GRAP2: variants seen among roughly 807,000 people sequenced by gnomAD.
GRAP2 encodes the protein GRB2 related adaptor protein 2.
Under a neutral mutation model 43.5 loss-of-function variants are expected in GRAP2, and 31 were observed. That is an observed-to-expected ratio of 0.71 (90% CI 0.54 to 0.96). GRAP2 has a LOEUF of 0.96. Ranked by LOEUF, GRAP2 falls within the 40% of genes least tolerant of loss-of-function variation. The pLI, the probability that GRAP2 is intolerant of heterozygous loss-of-function variation, is 0.00. For synonymous variants in GRAP2, 156 were observed against 164.8 expected (o/e 0.95, Z 0.41); for missense variants, 371 against 424.4 (o/e 0.87, Z 1.11).
chr22:39,902,649 A>T (rs527987305), intron 1 of GRAP2, among the ~76,000 whole-genome samples: 1 of 152,338 alleles, frequency 6.6e-6, no homozygotes, highest in South Asian at 2.1e-4. Flanking sequence ...TATCTTTTTA[A>T]AAATGACTTT....
chr22:39,917,440 T>G (rs2066612315), intron 1 of GRAP2, among the ~76,000 whole-genome samples: 1 of 152,194 alleles, frequency 6.6e-6, no homozygotes, highest in African/African-American at 2.4e-5. Flanking sequence ...AATTGGGAGC[T>G]TTCACTGAGT....
intron 1 of GRAP2, among the ~76,000 whole-genome samples, chr22:39,924,667 A>G (rs1204634985): frequency 1.3e-5 from 2 of 151,928 alleles, no homozygotes; most frequent in African/African-American, 4.8e-5. Context: ...ATACCACTAC[A>G]CTCTAGCCTG....
At chr22:39,942,644 GCCGGATGTGATGAC>G (rs1190545802) in intron 1 of GRAP2, among the ~76,000 whole-genome samples, 2 of 151,132 alleles carry the variant, frequency 1.3e-5, no homozygotes, top group Non-Finnish European at 2.9e-5. Flanking sequence ...AAAAAAATTA[GCCGGATGTGATGAC>G]ACACATCTGT....
chr22:39,960,265 C>A, intron 4 of GRAP2, 91 bp downstream of exon 4: 1 of 1,267,216 alleles, frequency 7.9e-7, no homozygotes, highest in South Asian at 1.2e-5. Flanking sequence ...GGAATATGAC[C>A]CAATGGTCAG....
chr22:39,943,202 C>T (rs1403650442), intron 1 of GRAP2, among the ~76,000 whole-genome samples: 2 of 152,186 alleles, frequency 1.3e-5, no homozygotes, highest in Non-Finnish European at 2.9e-5. Flanking sequence ...ATCTGGGTTT[C>T]CAATGGAGGT....
intron 1 of GRAP2, among the ~76,000 whole-genome samples, chr22:39,904,524 A>G (rs1476295690): frequency 6.6e-6 from 1 of 152,240 alleles, no homozygotes; most frequent in Non-Finnish European, 1.5e-5. Flanking sequence ...TGCTCCATCT[A>G]TACCTATTTC....
chr22:39,944,371 AG>A (rs2066899957), intron 1 of GRAP2, among the ~76,000 whole-genome samples: 1 of 152,192 alleles, frequency 6.6e-6, no homozygotes, highest in East Asian at 1.9e-4. Flanking sequence ...CTCTACTACT[AG>A]GGGTGCTTCA....
chr22:39,924,637 G>A (rs907072946), intron 1 of GRAP2, among the ~76,000 whole-genome samples: 1 of 152,188 alleles, frequency 6.6e-6, no homozygotes, highest in Non-Finnish European at 1.5e-5. Context: ...GGGCGGCGGA[G>A]GTTGCAGTGA....
chr22:39,956,415 C>T (rs1307614734), intron 3 of GRAP2, among the ~76,000 whole-genome samples: 1 of 152,128 alleles, frequency 6.6e-6, no homozygotes, highest in Non-Finnish European at 1.5e-5. Context: ...CCTCAGCCTC[C>T]CAAAGTGCTG....
chr22:39,935,128 G>C (rs979285498), intron 1 of GRAP2, among the ~76,000 whole-genome samples: 2 of 152,190 alleles, frequency 1.3e-5, no homozygotes, highest in African/African-American at 4.8e-5. Context: ...GGACTCTGGG[G>C]TTATTTCAGC....
chr22:39,917,817 C>T (rs764100005), intron 1 of GRAP2, among the ~76,000 whole-genome samples: 13 of 152,086 alleles, frequency 8.5e-5, no homozygotes, highest in East Asian at 1.9e-4. Flanking sequence ...TTGGTGATTT[C>T]GTAGGCCCTT....
intron 1 of GRAP2, among the ~76,000 whole-genome samples, chr22:39,920,011 A>G (rs1373905041): frequency 2.6e-5 from 4 of 152,230 alleles, no homozygotes; most frequent in Non-Finnish European, 5.9e-5. Flanking sequence ...TTCAGAATCT[A>G]TCTGGTTGTA....
rs180677935 is a variant in GRAP2 at position 39,968,243 on chromosome 22, C to T, written c.661C>T (p.Arg221Ter). ...PQQLQQPPQQRYLQHHHFHQE... is the reference protein window; with the variant it reads ...PQQLQQPPQQ Reference sequence around the variant, plus strand: ...GCAGCTGCAGCAGCCCCCACAGCAGCGATATCTGCAGCACCACCATTTCCA... The same window carrying T: ...GCAGCTGCAGCAGCCCCCACAGCAGTGATATCTGCAGCACCACCATTTCCA... Residue 221 changes from arginine (R) to a stop codon, truncating the protein, a stop_gained, in exon 6 of 8, where the codon CGA becomes TGA. Transcript: ENST00000344138. LOFTEE classifies it high-confidence loss of function. The T allele has an allele frequency of 1.9e-6, 3 of 1,608,780 alleles. No individual in the cohort carries two copies. The highest frequency in any genetic ancestry group is 1.1e-5 in the South Asian group (1 of 90,964).
At chr22:39,934,213 C>A (rs1268782229) in intron 1 of GRAP2, among the ~76,000 whole-genome samples, 1 of 152,168 alleles carries the variant, frequency 6.6e-6, no homozygotes, top group Non-Finnish European at 1.5e-5. Flanking sequence ...TTGCATGACA[C>A]CCTACAGAGC....
intron 1 of GRAP2, among the ~76,000 whole-genome samples, chr22:39,919,973 C>T (rs1470054922): frequency 2.6e-5 from 4 of 152,202 alleles, no homozygotes; most frequent in Non-Finnish European, 5.9e-5. Flanking sequence ...TATACGAACT[C>T]CTAAAACCCT....
chr22:39,914,166 C>T (rs1456410954), intron 1 of GRAP2, among the ~76,000 whole-genome samples: 1 of 152,078 alleles, frequency 6.6e-6, no homozygotes, highest in Non-Finnish European at 1.5e-5. Flanking sequence ...GCAGACTGCC[C>T]TTTTGCCATG....
In GRAP2 at chr22:39,934,110, C is replaced by T. The variant is rs377358144; in HGVS notation, c.-14-12983C>T. 3.3e-5 allele frequency among the ~76,000 whole-genome samples: 5 copies of T among 152,288 alleles called. No individual in the cohort carries two copies. The East Asian group carries it at 9.6e-4, about 29-fold the overall frequency. The stretch of plus-strand genomic sequence containing the variant: ...TATGGCCCTGAAGGAAGAGTTGACC[C>T]TGTTACGGTTTCTTTCTTTTTCCTG... On this transcript the variant is annotated intron_variant, in intron 1 of 7. Coordinates refer to ENST00000344138, the MANE Select transcript of GRAP2 (RefSeq NM_004810.4).
upstream of GRAP2, among the ~76,000 whole-genome samples, chr22:39,897,490 C>G (rs927428464): frequency 6.6e-6 from 1 of 150,704 alleles, no homozygotes; most frequent in Non-Finnish European, 1.5e-5. Flanking sequence ...ACAACCATCT[C>G]TGGTCTGGAC....
In GRAP2 at chr22:39,970,531, A is replaced by G. The variant is rs186063770; in HGVS notation, c.814-374A>G. ...AGGGAGTCTATTGGGGCTTTGGACA[A>G]TAACATCTGTTGGTAAAAGTCCTGG... On this transcript the variant is annotated intron_variant, in intron 7 of 7. Transcript: ENST00000344138. Among the ~76,000 whole-genome samples, 309 of 152,310 alleles carry G rather than the reference A, an allele frequency of 2.0e-3. 1 individual carries two copies. The highest frequency in any genetic ancestry group is 7.0e-3 in the African/African-American group (290 of 41,580).
Sources: gnomAD v4.1 joint callset for allele counts (sites outside exome capture counted in the v4.1 genomes callset) on GRCh38, gnomAD v4.1.1 for gene constraint, MANE v1.5 for transcripts, NCBI Gene and HGNC (gene_info 2026-07-23, HGNC 2026-07-21) for gene names.